DENND4A: variants seen among roughly 807,000 people sequenced by gnomAD.
DENND4A encodes the protein C-myc promoter-binding protein.
In DENND4A, 70 loss-of-function variants were observed where a neutral mutation model predicts 199.3. That is an observed-to-expected ratio of 0.35 (90% CI 0.29 to 0.43). The LOEUF is 0.43. DENND4A is among the 20% of genes least tolerant of loss of function. The pLI is 1.00. For missense variants in DENND4A, 1,723 were observed against 2,255.8 expected (o/e 0.76, Z 4.78); for synonymous variants, 686 against 766.9 (o/e 0.89, Z 1.74).
chr15:65,683,193 T>C lies in DENND4A; in HGVS notation c.4180-6559A>G, dbSNP rs549889664. Among the ~76,000 whole-genome samples the C allele has an allele frequency of 1.4e-4, 21 of 152,192 alleles. No individual in the cohort carries two copies. The East Asian group carries it at 4.0e-3, about 29-fold the overall frequency. ...GAGCAGTAAAGCAAGTGCAATAAAA[T>C]GAGACCTGCCTACGCTAGGCTTTAA... On this transcript the variant is annotated intron_variant, in intron 23 of 32. Coordinates refer to ENST00000443035, the MANE Select transcript of DENND4A (RefSeq NM_001320835.1).
intron 7 of DENND4A, among the ~76,000 whole-genome samples, chr15:65,736,020 T>C (rs990596051): frequency 4.6e-5 from 7 of 152,192 alleles, no homozygotes; most frequent in African/African-American, 1.7e-4. Flanking sequence ...AACTTTCAAG[T>C]GGAAATTACA....
At chr15:65,688,711 G>A (rs1336644827) in intron 23 of DENND4A, among the ~76,000 whole-genome samples, 1 of 152,170 alleles carries the variant, frequency 6.6e-6, no homozygotes, top group African/African-American at 2.4e-5. Flanking sequence ...CAGGAAATAT[G>A]GGGTTTCTCT....
chr15:65,679,740 G>C (rs1175449236), intron 23 of DENND4A, among the ~76,000 whole-genome samples: 1 of 151,710 alleles, frequency 6.6e-6, no homozygotes, highest in Non-Finnish European at 1.5e-5. Context: ...TGTTACCCAG[G>C]CTAGTCTTGA....
chr15:65,721,262 C>T (rs970171288), intron 12 of DENND4A, among the ~76,000 whole-genome samples: 5 of 151,762 alleles, frequency 3.3e-5, no homozygotes, highest in South Asian at 2.1e-4. Context: ...AATTTTGTTA[C>T]GTTTTATGTA....
chr15:65,675,744 T>C (rs2076354176), intron 24 of DENND4A, among the ~76,000 whole-genome samples: 1 of 152,142 alleles, frequency 6.6e-6, no homozygotes, highest in African/African-American at 2.4e-5. Context: ...ACATAGTTTG[T>C]TGACAAGGCT....
At chr15:65,760,489 CTG>C (rs2076826006) in intron 2 of DENND4A, among the ~76,000 whole-genome samples, 1 of 152,052 alleles carries the variant, frequency 6.6e-6, no homozygotes, top group African/African-American at 2.4e-5. Flanking sequence ...GAGTGAGACT[CTG>C]TCACAAAATA....
intron 4 of DENND4A, among the ~76,000 whole-genome samples, chr15:65,750,729 CTT>C (rs563776511): frequency 6.9e-6 from 1 of 145,148 alleles, no homozygotes; most frequent in Non-Finnish European, 1.5e-5. Context: ...GTATACATTC[CTT>C]TTTTTTTTTA....
At chr15:65,716,683 G>A (rs1206355981) in intron 13 of DENND4A, among the ~76,000 whole-genome samples, 7 of 151,770 alleles carry the variant, frequency 4.6e-5, no homozygotes, top group Non-Finnish European at 8.8e-5. Context: ...CTTTGTTATT[G>A]TGAATAGTGC....
At chr15:65,672,439 A>G (rs2076243874) in intron 24 of DENND4A, among the ~76,000 whole-genome samples, 1 of 152,128 alleles carries the variant, frequency 6.6e-6, no homozygotes, top group South Asian at 2.1e-4. Flanking sequence ...AGCCTTGGCA[A>G]CATAGTGAGA....
At chr15:65,681,561 T>C (rs1441035054) in intron 23 of DENND4A, among the ~76,000 whole-genome samples, 4 of 151,328 alleles carry the variant, frequency 2.6e-5, no homozygotes, top group African/African-American at 9.8e-5. Flanking sequence ...ACTTGACTCC[T>C]TGACATTTCA....
chr15:65,741,639 A>T, intron 5 of DENND4A, 76 bp downstream of exon 5: 1 of 1,160,844 alleles, frequency 8.6e-7, no homozygotes, highest in Non-Finnish European at 1.3e-6. Context: ...CAGACTAGGC[A>T]GGTTTCTTTA....
At chr15:65,688,749 C>T (rs906445801) in intron 23 of DENND4A, among the ~76,000 whole-genome samples, 4 of 152,202 alleles carry the variant, frequency 2.6e-5, no homozygotes, top group African/African-American at 9.7e-5. Flanking sequence ...AGGTGCCATG[C>T]CATGATGTGA....
At chr15:65,772,993 G>T (rs2065278021) in intron 1 of DENND4A, among the ~76,000 whole-genome samples, 2 of 63,810 alleles carry the variant, frequency 3.1e-5, no homozygotes, top group Non-Finnish European at 3.1e-5. Flanking sequence ...AATTTCTATT[G>T]TTTCTAAGCA....
intron 3 of DENND4A, among the ~76,000 whole-genome samples, chr15:65,754,303 T>C (rs996098268): frequency 5.5e-4 from 84 of 152,198 alleles, no homozygotes; most frequent in African/African-American, 2.0e-3. Flanking sequence ...TCTTTTGATC[T>C]TGTTTTGCTT....
rs1382518122 is a variant in DENND4A at position 65,660,631 on chromosome 15, A to C, written c.*1220T>G. ...TAAAAATATATTTTTAAAGCTATTT[A>C]ATACTCATGATGTCTAAACTTTCAA... is the stretch of plus-strand genomic sequence containing the variant. On this transcript the variant is annotated 3_prime_UTR_variant, in exon 33 of 33. Transcript: ENST00000443035. The C allele has an allele frequency of 4.4e-6, 1 of 226,974 alleles. No homozygotes were observed. Among genetic ancestry groups the C allele is most frequent in the Admixed American group, 5.3e-5 (1 of 18,704 alleles). The allele number at this position is 226,974 out of a possible 1,614,324, so 14.1% of individuals were successfully genotyped here.
intron 22 of DENND4A, among the ~76,000 whole-genome samples, chr15:65,695,802 C>T (rs1278321027): frequency 6.6e-6 from 1 of 152,034 alleles, no homozygotes; most frequent in Non-Finnish European, 1.5e-5. Context: ...TTTCTATTAA[C>T]TATTGATAAT....
intron 23 of DENND4A, among the ~76,000 whole-genome samples, chr15:65,688,305 G>T (rs2076861704): frequency 6.6e-6 from 1 of 152,136 alleles, no homozygotes. Flanking sequence ...TATGGAAGCT[G>T]CTTTAAAGTT....
At chr15:65,762,334 A>C (rs2140769146) in intron 1 of DENND4A, among the ~76,000 whole-genome samples, 1 of 152,210 alleles carries the variant, frequency 6.6e-6, no homozygotes, top group African/African-American at 2.4e-5. Flanking sequence ...AAAACAATAA[A>C]AATAACAGAC....
In DENND4A at chr15:65,667,914, A is replaced by G. The variant is rs774172407; in HGVS notation, c.4986+11T>C. The G allele has an allele frequency of 1.9e-6, 3 of 1,590,730 alleles. No homozygotes were observed. The South Asian group carries it at 3.5e-5, about 18-fold the overall frequency. ...CAATTTCCAAATAAAAAAATACACC[A>G]AAATACATACTGTAGCTCCTTGTAA... On this transcript the variant is annotated intron_variant, in intron 28 of 32. Coordinates refer to ENST00000443035, the MANE Select transcript of DENND4A (RefSeq NM_001320835.1).
Sources: allele counts gnomAD v4.1 joint callset (sites outside exome capture counted in the v4.1 genomes callset), GRCh38; gene constraint gnomAD v4.1.1; transcripts MANE v1.5; gene names NCBI Gene and HGNC (gene_info 2026-07-23, HGNC 2026-07-21).